PRKCZ: variants seen among roughly 807,000 people sequenced by gnomAD.
PRKCZ encodes protein kinase C zeta.
PRKCZ carries 33 observed loss-of-function variants against 79.5 expected under a neutral mutation model. That is an observed-to-expected ratio of 0.41 (90% CI 0.31 to 0.55). The LOEUF is 0.55. Ranked by LOEUF, PRKCZ falls within the 20% of genes least tolerant of loss-of-function variation. The probability of loss-of-function intolerance (pLI) is 0.19; values close to 1 mark genes in which losing one functional copy is unlikely to be tolerated. For missense variants in PRKCZ, 578 were observed against 813.5 expected (o/e 0.71, Z 3.52); for synonymous variants, 342 against 320.9 (o/e 1.07, Z -0.70).
At chr1:2,121,494 GTAGT>G (rs1403282835) in intron 4 of PRKCZ, among the ~76,000 whole-genome samples, 2 of 151,534 alleles carry the variant, frequency 1.3e-5, no homozygotes, top group African/African-American at 2.4e-5. Flanking sequence ...GGTCACGGTG[GTAGT>G]TAGGATCATG....
intron 16 of PRKCZ, chr1:2,181,858 C>T (rs1686676193): frequency 2.2e-6 from 1 of 456,290 alleles, no homozygotes; most frequent in African/African-American, 2.0e-5. Context: ...ATACAAGTAA[C>T]TGATGAATGA....
At position 2,082,465 on chromosome 1, in the gene PRKCZ, G is replaced by A. The variant is rs1663727379; in HGVS notation, c.334+22874G>A. 2.2e-6 allele frequency: 1 copy of A among 455,242 alleles called. No individual in the cohort carries two copies. The highest frequency in any genetic ancestry group is 4.4e-6 in the Non-Finnish European group (1 of 226,518). 28.2% of individuals were successfully genotyped at this position (455,242 alleles called of 1,614,324 possible). A position where few individuals can be genotyped will look rare whatever the true frequency, so the allele number is the denominator to read the frequency against. ...TGGAGACTGTAATTTCATTCTGTGA[G>A]TGTAAGATCACGTCCGCGTTCCTAG... is the stretch of plus-strand genomic sequence containing the variant. On this transcript the variant is annotated intron_variant, in intron 4 of 17. Coordinates refer to ENST00000378567, the MANE Select transcript of PRKCZ (RefSeq NM_002744.6). The surrounding 1 kb of genome is among the most constrained non-coding windows in gnomAD (Gnocchi z 4.4).
At chr1:2,105,699 C>T (rs1361925076) in intron 4 of PRKCZ, among the ~76,000 whole-genome samples, 1 of 152,162 alleles carries the variant, frequency 6.6e-6, no homozygotes, top group East Asian at 1.9e-4. Flanking sequence ...CACTCCTGGC[C>T]AGGTCTTTTT....
rs1398923208 is a variant in PRKCZ at position 2,169,746 on chromosome 1, G to A, written c.1061+142G>A. The A allele has an allele frequency of 8.2e-5, 25 of 304,436 alleles. No individual in the cohort carries two copies. The East Asian group carries it at 1.2e-3, about 14-fold the overall frequency. 18.9% of individuals were successfully genotyped at this position (304,436 alleles called of 1,614,324 possible). On this transcript the variant is annotated intron_variant, in intron 11 of 17. Transcript: ENST00000378567. Reference sequence around the variant, plus strand: ...GAGTTGGGGGGCCGGGTGGGTGTGCGCAGAGGGGAGGTGGCTGGGTGGGGT... The same window carrying A: ...GAGTTGGGGGGCCGGGTGGGTGTGCACAGAGGGGAGGTGGCTGGGTGGGGT...
At position 2,127,058 on chromosome 1, in the gene PRKCZ, T is replaced by C. The variant is rs145720022; in HGVS notation, c.335-8204T>C. Among the ~76,000 whole-genome samples the C allele has an allele frequency of 1.1e-3, 163 of 152,326 alleles. No individual in the cohort carries two copies. The highest frequency in any genetic ancestry group is 1.3e-3 in the Non-Finnish European group (91 of 68,032). Reference sequence around the variant, plus strand: ...ACTGGCGCCTCGGCTGTGCCTCTTCTGTCTCTCGAGCTCTTCTGTGCCGTG... The same window carrying C: ...ACTGGCGCCTCGGCTGTGCCTCTTCCGTCTCTCGAGCTCTTCTGTGCCGTG... On this transcript the variant is annotated intron_variant, in intron 4 of 17. Transcript: ENST00000378567. The surrounding 1 kb of genome is among the most constrained non-coding windows in gnomAD (Gnocchi z 5.1).
rs545115850 is a variant in PRKCZ at position 2,124,633 on chromosome 1, C to T, written c.335-10629C>T. Among the ~76,000 whole-genome samples, 18 of 152,262 alleles carry T rather than the reference C, an allele frequency of 1.2e-4. 1 individual carries two copies. In the South Asian group the frequency reaches 3.1e-3, roughly 26 times the overall value. Reference sequence around the variant, plus strand: ...AGAAAGTCAATGCCTGTCACTTAAGCCGCCCAGTCTGTGGTATTTTGCTGT... The same window carrying T: ...AGAAAGTCAATGCCTGTCACTTAAGTCGCCCAGTCTGTGGTATTTTGCTGT... On this transcript the variant is annotated intron_variant, in intron 4 of 17. Coordinates refer to ENST00000378567, the MANE Select transcript of PRKCZ (RefSeq NM_002744.6).
At chr1:2,148,308 CATCT>C (rs767359655) in intron 7 of PRKCZ, among the ~76,000 whole-genome samples, 47 of 149,314 alleles carry the variant, frequency 3.1e-4, no homozygotes, top group Middle Eastern at 3.7e-3. Flanking sequence ...TCTATCCATC[CATCT>C]ATTGTCCACT....
chr1:2,176,012 C>T (rs778685195), intron 16 of PRKCZ, among the ~76,000 whole-genome samples: 1 of 152,130 alleles, frequency 6.6e-6, no homozygotes, highest in Admixed American at 6.5e-5. Context: ...GCAGTCGCAG[C>T]GTTCACGGCT....
At chr1:2,113,848 G>A (rs771784122) in intron 4 of PRKCZ, among the ~76,000 whole-genome samples, 1 of 152,108 alleles carries the variant, frequency 6.6e-6, no homozygotes, top group African/African-American at 2.4e-5. Context: ...TCAAGGCACT[G>A]GTGTTGGGGC....
In PRKCZ at chr1:2,071,863, T is replaced by C. The variant is rs954468846; in HGVS notation, c.334+12272T>C. On this transcript the variant is annotated intron_variant, in intron 4 of 17. Coordinates refer to ENST00000378567, the MANE Select transcript of PRKCZ (RefSeq NM_002744.6). ...GCTGCTTCTGTCCAGGGCCAGGTAG[T>C]TGAAGCCTGGGGTTCTGAGCAGGCG... is the stretch of plus-strand genomic sequence containing the variant. 2.0e-5 allele frequency among the ~76,000 whole-genome samples: 3 copies of C among 152,338 alleles called. No individual in the cohort carries two copies. In the East Asian group the frequency reaches 5.8e-4, roughly 29 times the overall value.
chr1:2,120,623 G>A (rs1252547862), intron 4 of PRKCZ, among the ~76,000 whole-genome samples: 2 of 151,726 alleles, frequency 1.3e-5, no homozygotes, highest in African/African-American at 4.8e-5. Flanking sequence ...ATAGCATCCT[G>A]TTCTCTCTCC....
chr1:2,062,269 C>T (rs1441023946), intron 4 of PRKCZ, among the ~76,000 whole-genome samples: 1 of 152,048 alleles, frequency 6.6e-6, no homozygotes, highest in African/African-American at 2.4e-5. Context: ...CCTGTTCTGC[C>T]CCAGCCCCAC....
intron 4 of PRKCZ, among the ~76,000 whole-genome samples, chr1:2,095,858 C>T (rs1208656169): frequency 8.0e-6 from 1 of 124,252 alleles, no homozygotes; most frequent in East Asian, 2.5e-4. Context: ...CCCTCCCTTC[C>T]CCTCCCTTCT....
At chr1:2,055,397 A>G in intron 1 of PRKCZ, 44 bp from the exon 2 acceptor site, 2 of 1,547,840 alleles carry the variant, frequency 1.3e-6, no homozygotes, top group Non-Finnish European at 1.7e-6. Flanking sequence ...ATTTGATTCA[A>G]ATATGCCCCA....
intron 4 of PRKCZ, among the ~76,000 whole-genome samples, chr1:2,099,340 A>T (rs1667068430): frequency 6.6e-6 from 1 of 152,220 alleles, no homozygotes; most frequent in South Asian, 2.1e-4. Flanking sequence ...TCATTCATTC[A>T]TCCCATGCCA....
At chr1:2,161,399 G>T (rs1682272822) in intron 10 of PRKCZ, among the ~76,000 whole-genome samples, 1 of 152,222 alleles carries the variant, frequency 6.6e-6, no homozygotes, top group South Asian at 2.1e-4. Context: ...CATTGCGAGG[G>T]CGTCCTGCAC....
intron 4 of PRKCZ, among the ~76,000 whole-genome samples, chr1:2,110,389 G>A (rs1414613363): frequency 2.6e-5 from 4 of 152,238 alleles, no homozygotes; most frequent in Non-Finnish European, 4.4e-5. Context: ...GGCTTCCTCC[G>A]TTCAGGCTTC....
chr1:2,176,595 T>C (rs1194652854), intron 16 of PRKCZ, among the ~76,000 whole-genome samples: 1 of 152,224 alleles, frequency 6.6e-6, no homozygotes, highest in Admixed American at 6.5e-5. Context: ...GGATAGCTCG[T>C]TCAGTGCATT....
chr1:2,157,403 G>A (rs539491828), intron 10 of PRKCZ, among the ~76,000 whole-genome samples: 1 of 151,932 alleles, frequency 6.6e-6, no homozygotes, highest in African/African-American at 2.4e-5. Context: ...TTATTCCAAA[G>A]CTTTTTTTTT....
Sources: gnomAD v4.1 joint callset for allele counts (sites outside exome capture counted in the v4.1 genomes callset) on GRCh38, gnomAD v4.1.1 for gene constraint, Gnocchi (gnomAD v3.1) non-coding constraint, MANE v1.5 for transcripts, NCBI Gene and HGNC (gene_info 2026-07-23, HGNC 2026-07-21) for gene names.